The following CSMD1 variants were observed in gnomAD, a reference collection of about 807,000 sequenced individuals.
The protein encoded by CSMD1 is CUB and sushi domain-containing protein 1.
Under a neutral mutation model 417.5 loss-of-function variants are expected in CSMD1, and 213 were observed. The observed-to-expected ratio is 0.51, with a 90% CI of 0.46 to 0.57. The LOEUF (loss-of-function observed/expected upper bound fraction) is 0.57. CSMD1 is among the 20% of genes least tolerant of loss of function. CSMD1 has a pLI of 0.00. For synonymous variants in CSMD1, 2,862 were observed against 1,736.8 expected (o/e 1.65, Z -16.11); for missense variants, 6,923 against 4,529.7 (o/e 1.53, Z -15.17).
chr8:4,628,652 C>T (rs982808381), intron 2 of CSMD1, among the ~76,000 whole-genome samples: 1 of 151,494 alleles, frequency 6.6e-6, no homozygotes, highest in African/African-American at 2.4e-5. Context: ...GCCAGGGACA[C>T]TAAAATGGCC....
intron 3 of CSMD1, among the ~76,000 whole-genome samples, chr8:4,354,930 G>C (rs1052963401): frequency 2.1e-5 from 3 of 141,864 alleles, no homozygotes; most frequent in Admixed American, 1.5e-4. Context: ...AGTATTTTCA[G>C]GTTGAAAGAA....
intron 4 of CSMD1, among the ~76,000 whole-genome samples, chr8:4,023,701 C>T (rs1279203088): frequency 6.6e-6 from 1 of 150,610 alleles, no homozygotes; most frequent in Non-Finnish European, 1.5e-5. Context: ...ATTCTCCTGC[C>T]TCAGCCTCCC....
chr8:4,298,542 G>A (rs774906665), intron 3 of CSMD1, among the ~76,000 whole-genome samples: 1 of 152,076 alleles, frequency 6.6e-6, no homozygotes, highest in South Asian at 2.1e-4. Flanking sequence ...TACACATGTA[G>A]CAAAATTGTA....
At chr8:3,082,920 G>A (rs908496451) in intron 49 of CSMD1, among the ~76,000 whole-genome samples, 3 of 152,280 alleles carry the variant, frequency 2.0e-5, no homozygotes, top group Admixed American at 6.5e-5. Context: ...TATCGAATGT[G>A]AACATCTGCG....
rs1299407180 is a variant in CSMD1 at position 3,963,303 on chromosome 8, C to A, written c.818+34600G>T. On this transcript the variant is annotated intron_variant, in intron 5 of 69. Coordinates refer to ENST00000635120, the MANE Select transcript of CSMD1 (RefSeq NM_033225.6). The stretch of plus-strand genomic sequence containing the variant: ...TGCATGAAAAACAAAGGTTCCAAAT[C>A]CATGGCTCTCACCCAGATAAGCCAA... Among the ~76,000 whole-genome samples the A allele has an allele frequency of 5.9e-5, 9 of 152,250 alleles. No individual in the cohort carries two copies. The East Asian group carries it at 1.2e-3, about 20-fold the overall frequency.
chr8:2,977,379 G>A (rs1426974966), intron 55 of CSMD1, among the ~76,000 whole-genome samples: 1 of 152,162 alleles, frequency 6.6e-6, no homozygotes, highest in Non-Finnish European at 1.5e-5. Context: ...GCATTAGTTT[G>A]CAGAGGATAA....
At chr8:3,603,414 G>A (rs192207136) in intron 8 of CSMD1, among the ~76,000 whole-genome samples, 20 of 152,242 alleles carry the variant, frequency 1.3e-4, no homozygotes, top group African/African-American at 4.1e-4. Context: ...AAAGGCTTGC[G>A]AGCTAAAGCC....
chr8:3,664,060 C>A (rs745722110), intron 7 of CSMD1, among the ~76,000 whole-genome samples: 1 of 152,156 alleles, frequency 6.6e-6, no homozygotes, highest in African/African-American at 2.4e-5. Context: ...ACTTTAAGTT[C>A]TAGGGTACAT....
intron 11 of CSMD1, among the ~76,000 whole-genome samples, chr8:3,485,668 G>A (rs781389064): frequency 2.4e-4 from 36 of 151,948 alleles, no homozygotes; most frequent in Non-Finnish European, 4.0e-4. Flanking sequence ...ACTGAGGCAT[G>A]AGAATCCCTT....
chr8:3,334,200 G>T (rs1046452440), intron 23 of CSMD1, among the ~76,000 whole-genome samples: 3 of 152,138 alleles, frequency 2.0e-5, no homozygotes, highest in African/African-American at 7.2e-5. Context: ...TATAAAGAAA[G>T]CATTATCTCT....
intron 6 of CSMD1, among the ~76,000 whole-genome samples, chr8:3,729,198 G>A (rs1463543519): frequency 6.6e-6 from 1 of 152,156 alleles, no homozygotes; most frequent in Non-Finnish European, 1.5e-5. Flanking sequence ...AATAAGCAAT[G>A]CCGTCTTAAA....
intron 7 of CSMD1, among the ~76,000 whole-genome samples, chr8:3,695,808 C>T (rs1339514098): frequency 1.3e-5 from 2 of 152,154 alleles, no homozygotes; most frequent in African/African-American, 2.4e-5. Flanking sequence ...AACCAGCAAA[C>T]ACTTTTCCAA....
intron 1 of CSMD1, among the ~76,000 whole-genome samples, chr8:4,935,259 G>C (rs1807533560): frequency 6.6e-6 from 1 of 152,140 alleles, no homozygotes; most frequent in Non-Finnish European, 1.5e-5. Context: ...TTCTTCTTCA[G>C]TTAGATATCC....
intron 21 of CSMD1, among the ~76,000 whole-genome samples, chr8:3,352,190 G>A (rs1359554775): frequency 1.3e-5 from 2 of 152,154 alleles, no homozygotes; most frequent in African/African-American, 2.4e-5. Context: ...ACACTCTCAG[G>A]TGCAAGACAA....
intron 23 of CSMD1, among the ~76,000 whole-genome samples, chr8:3,339,372 G>C (rs181225349): frequency 6.6e-6 from 1 of 152,186 alleles, no homozygotes. Flanking sequence ...AAAAAAGTGA[G>C]ACTTTTAAGA....
At chr8:3,213,047 G>C (rs919262444) in intron 30 of CSMD1, among the ~76,000 whole-genome samples, 3 of 151,510 alleles carry the variant, frequency 2.0e-5, no homozygotes, top group Non-Finnish European at 4.4e-5. Flanking sequence ...CCATGGTCTC[G>C]AACTCCTGAC....
chr8:3,849,924 C>T (rs553804244), intron 5 of CSMD1, among the ~76,000 whole-genome samples: 1 of 152,014 alleles, frequency 6.6e-6, no homozygotes, highest in Non-Finnish European at 1.5e-5. Context: ...AAGCAATTCT[C>T]CAGCCTCAGC....
rs527525217 is a variant in CSMD1, at chr8:3,262,258, C to T, written c.4153+21886G>A. Reference sequence around the variant, plus strand: ...ACACACATAGTTAATTTCAAAATTCCGAGAGGTTAAAACATTGCCAATAAG... The same window carrying T: ...ACACACATAGTTAATTTCAAAATTCTGAGAGGTTAAAACATTGCCAATAAG... On this transcript the variant is annotated intron_variant, in intron 26 of 69. Coordinates refer to ENST00000635120, the MANE Select transcript of CSMD1 (RefSeq NM_033225.6). Among the ~76,000 whole-genome samples the T allele has an allele frequency of 1.1e-4, 13 of 116,270 alleles. 1 individual carries two copies. The highest frequency in any genetic ancestry group is 1.9e-4 in the Admixed American group (2 of 10,268). 76.3% of individuals were successfully genotyped at this position (116,270 alleles called of 152,430 possible). A position where few individuals can be genotyped will look rare whatever the true frequency, so the allele number is the denominator to read the frequency against.
At chr8:4,271,782 A>T (rs1291727426) in intron 3 of CSMD1, among the ~76,000 whole-genome samples, 1 of 152,188 alleles carries the variant, frequency 6.6e-6, no homozygotes, top group Non-Finnish European at 1.5e-5. Context: ...CAGCTTCCAC[A>T]TTATGAATTA....
Sources: allele counts gnomAD v4.1 joint callset (sites outside exome capture counted in the v4.1 genomes callset), GRCh38; gene constraint gnomAD v4.1.1; transcripts MANE v1.5; gene names NCBI Gene and HGNC (gene_info 2026-07-23, HGNC 2026-07-21).